RABEP1: variants seen among roughly 807,000 people sequenced by gnomAD.
RABEP1 encodes the protein rabaptin, RAB GTPase binding effector protein 1.
A neutral mutation model predicts 123.4 loss-of-function variants in RABEP1; 51 were observed. The observed-to-expected ratio is 0.41, with a 90% confidence interval of 0.33 to 0.52. RABEP1 has a LOEUF of 0.52. RABEP1 is among the 20% of genes least tolerant of loss of function. The pLI is 0.16. For missense variants in RABEP1, 888 were observed against 996.3 expected, an observed-to-expected ratio of 0.89 and a Z score of 1.46; for synonymous variants, 347 against 355.2, an observed-to-expected ratio of 0.98 and a Z score of 0.26.
At chr17:5,367,311 G>T (rs866686050) in intron 11 of RABEP1, among the ~76,000 whole-genome samples, 1 of 150,544 alleles carries the variant, frequency 6.6e-6, no homozygotes, top group Non-Finnish European at 1.5e-5. Context: ...TCGCTGTGTC[G>T]CCCAGGCTAG....
At chr17:5,338,719 G>A (rs1041397484) in intron 5 of RABEP1, among the ~76,000 whole-genome samples, 2 of 152,140 alleles carry the variant, frequency 1.3e-5, no homozygotes, top group East Asian at 1.9e-4. Flanking sequence ...ATGAGACCCC[G>A]TCTCATTCAT....
intron 2 of RABEP1, among the ~76,000 whole-genome samples, chr17:5,327,885 T>C (rs1308667601): frequency 6.6e-6 from 1 of 152,136 alleles, no homozygotes; most frequent in East Asian, 1.9e-4. Context: ...ATTTGAAATA[T>C]GACAAAGATG....
At chr17:5,375,016 A>G (rs1910873560) in intron 13 of RABEP1, among the ~76,000 whole-genome samples, 1 of 151,132 alleles carries the variant, frequency 6.6e-6, no homozygotes, top group Admixed American at 6.6e-5. Flanking sequence ...ATCTCAGGTG[A>G]TTAGCCTGCT....
intron 2 of RABEP1, 124 bp from the exon 3 acceptor site, chr17:5,331,825 A>C: frequency 1.3e-6 from 1 of 786,618 alleles, no homozygotes; most frequent in South Asian, 1.9e-5. Context: ...CTTAAATCTC[A>C]CCTCTATTAA....
At chr17:5,373,694 A>ACAC (rs1491577890) in intron 13 of RABEP1, among the ~76,000 whole-genome samples, 21 of 3,610 alleles carry the variant, frequency 5.8e-3, no homozygotes, top group Admixed American at 0.018. Flanking sequence ...CACCAGCTAA[A>ACAC]CACACACACA....
chr17:5,343,710 G>A (rs111676379), intron 5 of RABEP1, among the ~76,000 whole-genome samples: 18,097 of 119,288 alleles, frequency 0.15, 1,262 homozygotes, highest in Middle Eastern at 0.26. Flanking sequence ...GGGTCTTGCT[G>A]TGTTGCCTAG....
At chr17:5,373,801 AACT>A (rs1910745137) in intron 13 of RABEP1, among the ~76,000 whole-genome samples, 2 of 151,842 alleles carry the variant, frequency 1.3e-5, no homozygotes, top group South Asian at 4.2e-4. Context: ...AGCCTTAAGC[AACT>A]ACTAACCTTT....
intron 1 of RABEP1, among the ~76,000 whole-genome samples, chr17:5,302,155 A>G (rs532810946): frequency 6.6e-6 from 1 of 152,162 alleles, no homozygotes; most frequent in South Asian, 2.1e-4. Context: ...GTGGGTGTGA[A>G]ATTTCAGATA....
intron 5 of RABEP1, among the ~76,000 whole-genome samples, chr17:5,340,129 T>C (rs1456395470): frequency 6.6e-6 from 1 of 152,236 alleles, no homozygotes; most frequent in Non-Finnish European, 1.5e-5. Flanking sequence ...AGTAGAGCTA[T>C]AGACATTTTG....
At chr17:5,373,270 G>T (rs760083243) in intron 12 of RABEP1, 44 bp from the exon 13 acceptor site, 3 of 1,588,350 alleles carry the variant, frequency 1.9e-6, no homozygotes, top group Non-Finnish European at 1.7e-6. Flanking sequence ...TCACCAGACC[G>T]GATCTACCTT....
intron 4 of RABEP1, chr17:5,336,372 A>G: frequency 2.4e-6 from 1 of 424,384 alleles, no homozygotes; most frequent in South Asian, 1.7e-5. Flanking sequence ...TTACATTAGC[A>G]TGGTACATTT....
chr17:5,320,908 T>C (rs1383783196), intron 2 of RABEP1, among the ~76,000 whole-genome samples: 3 of 152,224 alleles, frequency 2.0e-5, no homozygotes, highest in Non-Finnish European at 4.4e-5. Flanking sequence ...GTAAGTCCTT[T>C]CTTATAGATA....
intron 1 of RABEP1, among the ~76,000 whole-genome samples, chr17:5,307,151 C>A (rs1421323021): frequency 2.0e-5 from 3 of 152,124 alleles, no homozygotes; most frequent in African/African-American, 7.2e-5. Flanking sequence ...AACCCCGTCT[C>A]TACTAAAAAT....
intron 3 of RABEP1, among the ~76,000 whole-genome samples, chr17:5,333,801 CT>C (rs1906787618): frequency 6.6e-6 from 1 of 152,194 alleles, no homozygotes; most frequent in Non-Finnish European, 1.5e-5. Flanking sequence ...TCAACTTAAT[CT>C]TTGCCTCAGC....
Position 5,368,249 on chromosome 17 carries a change from C to T in RABEP1, c.1786-121C>T, listed in dbSNP as rs1360830705. 1.8e-5 allele frequency: 12 copies of T among 682,854 alleles called. No individual in the cohort carries two copies. In the East Asian group the frequency reaches 1.9e-4, roughly 11 times the overall value. 42.3% of individuals were successfully genotyped at this position (682,854 alleles called of 1,614,324 possible). A position where few individuals can be genotyped will look rare whatever the true frequency, so the allele number is the denominator to read the frequency against. On this transcript the variant is annotated intron_variant, in intron 11 of 17. Coordinates refer to ENST00000537505, the MANE Select transcript of RABEP1 (RefSeq NM_004703.6). Reference sequence around the variant, plus strand: ...GTGCATGCAGCTGTTGGATGATGGTCAGTGGTTCCCATGAACAAATAAAAT... The same window carrying T: ...GTGCATGCAGCTGTTGGATGATGGTTAGTGGTTCCCATGAACAAATAAAAT...
At chr17:5,374,968 G>A (rs759919323) in intron 13 of RABEP1, among the ~76,000 whole-genome samples, 7 of 152,048 alleles carry the variant, frequency 4.6e-5, no homozygotes, top group East Asian at 1.9e-4. Flanking sequence ...GTAGAGATGC[G>A]GTTTCGCCAT....
At chr17:5,305,884 C>T (rs2075175108) in intron 1 of RABEP1, among the ~76,000 whole-genome samples, 1 of 152,126 alleles carries the variant, frequency 6.6e-6, no homozygotes, top group Admixed American at 6.6e-5. Context: ...CTTCAGTTGA[C>T]CAGAAGTCAG....
Position 5,335,293 on chromosome 17 carries a change from A to G in RABEP1, c.477A>G (p.Arg159=). ...SAEREIADLR[R]RLSEGQEEEN... Reference sequence around the variant, plus strand: ...AGAGGGAAATAGCTGATTTAAGAAGAAGGCTGTCTGAAGGTCAAGAGGAGG... The same window carrying G: ...AGAGGGAAATAGCTGATTTAAGAAGGAGGCTGTCTGAAGGTCAAGAGGAGG... Residue 159 remains arginine (R), a synonymous_variant, in exon 4 of 18, where the codon AGA becomes AGG. Transcript: ENST00000537505. 6.2e-7 allele frequency: 1 copy of G among 1,614,006 alleles called. No homozygotes were observed. The highest frequency in any genetic ancestry group is 8.5e-7 in the Non-Finnish European group (1 of 1,179,916).
chr17:5,296,417 C>T (rs997603213), intron 1 of RABEP1, among the ~76,000 whole-genome samples: 8 of 152,096 alleles, frequency 5.3e-5, no homozygotes, highest in Admixed American at 4.6e-4. Context: ...GCATGTGCCA[C>T]CACACCCGGC....
Sources: gnomAD v4.1 joint callset for allele counts (sites outside exome capture counted in the v4.1 genomes callset) on GRCh38, gnomAD v4.1.1 for gene constraint, MANE v1.5 for transcripts, NCBI Gene and HGNC (gene_info 2026-07-23, HGNC 2026-07-21) for gene names.